ZNF778: variants seen among roughly 807,000 people sequenced by gnomAD.
ZNF778 encodes zinc finger protein 778.
A neutral mutation model predicts 23.9 loss-of-function variants in ZNF778; 37 were observed. The observed-to-expected ratio is 1.54, with a 90% CI of 1.19 to 2.03. The LOEUF is 2.03. ZNF778 is among the 30% of genes most tolerant of loss of function. ZNF778 has a pLI of 0.00. For missense variants in ZNF778, 1,297 were observed against 934.4 expected (o/e 1.39, Z -5.06); for synonymous variants, 483 against 343.9 (o/e 1.40, Z -4.48).
rs376634438 is a variant in ZNF778, at chr16:89,227,815, G to C, written c.1527G>C (p.Gln509His). ...GAGAGAAACCCTACGAATGTAAGCA[G>C]TGTGGCAAAGCCTTCACAGGGCGCT... is the stretch of plus-strand genomic sequence containing the variant. The part of the protein sequence containing the change: ...HTGEKPYECK[Q>H]CGKAFTGRSG... The change falls in exon 7 of 7, where the codon CAG (glutamine) becomes CAC (histidine). Residue 509 changes from glutamine to histidine, a missense_variant. Transcript: ENST00000433976. 5.6e-6 allele frequency: 9 copies of C among 1,613,870 alleles called. No individual in the cohort carries two copies. Among genetic ancestry groups the C allele is most frequent in the Non-Finnish European group, 5.9e-6 (7 of 1,179,988 alleles).
At position 89,222,150 on chromosome 16, in the gene ZNF778, G is replaced by A. The variant is rs779282045; in HGVS notation, c.84G>A (p.Gly28=). ...ATGAAGAACAGACACAGGCAGCAGG[G>A]ATGGTGGCTGGCTGGCTGATAAATT... The part of the protein sequence containing the change: ...CLHEEQTQAA[G]MVAGWLINCY... The change falls in exon 3 of 7, where the codon GGG becomes GGA. Residue 28 remains glycine (G), a synonymous_variant. Transcript: ENST00000433976. 15 of 1,606,100 alleles carry A rather than the reference G, an allele frequency of 9.3e-6. No individual in the cohort carries two copies. The Admixed American group carries it at 2.5e-4, about 27-fold the overall frequency.
At chr16:89,225,490 T>C (rs1010682356) in intron 5 of ZNF778, 65 bp from the exon 6 acceptor site, 3 of 1,296,310 alleles carry the variant, frequency 2.3e-6, no homozygotes, top group Non-Finnish European at 3.3e-6. Flanking sequence ...TTTTCTGCCA[T>C]GTCTTATATG....
chr16:89,218,091 C>T (rs1004168141), intron 1 of ZNF778, among the ~76,000 whole-genome samples, 181 bp downstream of exon 1: 4 of 152,226 alleles, frequency 2.6e-5, no homozygotes, highest in African/African-American at 9.6e-5. Flanking sequence ...TGGGGGCCAG[C>T]GGGAGCGCGC....
chr16:89,220,932 C>T (rs912594531), intron 1 of ZNF778, 65 bp from the exon 2 acceptor site: 10 of 599,090 alleles, frequency 1.7e-5, no homozygotes, highest in African/African-American at 1.5e-4. Context: ...ATATCATCTG[C>T]AGAAACAAGC....
chr16:89,226,580 G>A, intron 6 of ZNF778, 114 bp from the exon 7 acceptor site: 1 of 900,250 alleles, frequency 1.1e-6, no homozygotes, highest in Non-Finnish European at 1.7e-6. Context: ...CTGCTTGCAT[G>A]TTATGAAAAT....
intron 1 of ZNF778, among the ~76,000 whole-genome samples, chr16:89,218,754 G>T (rs990095056): frequency 6.6e-6 from 1 of 152,082 alleles, no homozygotes; most frequent in Admixed American, 6.6e-5. Context: ...TGGCGCCACT[G>T]CACTCCAGCC....
chr16:89,229,328 G>C lies in ZNF778; in HGVS notation c.*766G>C, dbSNP rs2031777456. 1 of 984,770 alleles carries C rather than the reference G, an allele frequency of 1.0e-6. No homozygotes were observed. 61.0% of individuals were successfully genotyped at this position (984,770 alleles called of 1,614,324 possible). On this transcript the variant is annotated 3_prime_UTR_variant, in exon 7 of 7. Transcript: ENST00000433976. Reference sequence around the variant, plus strand: ...CTGTGAGCAGTGTAAGCTCTGGTTGGTTAGTCTTCAGGATCCAGATGTGAT... The same window carrying C: ...CTGTGAGCAGTGTAAGCTCTGGTTGCTTAGTCTTCAGGATCCAGATGTGAT...
intron 6 of ZNF778, among the ~76,000 whole-genome samples, 182 bp from the exon 7 acceptor site, chr16:89,226,512 A>G (rs11642976): frequency 0.82 from 125,340 of 152,234 alleles, 53,382 homozygotes; most frequent in Non-Finnish European, 0.93. Flanking sequence ...TCCTGATGGC[A>G]CAGGATTCTT....
At chr16:89,220,700 C>T (rs1461503311) in intron 1 of ZNF778, among the ~76,000 whole-genome samples, 3 of 152,184 alleles carry the variant, frequency 2.0e-5, no homozygotes, top group African/African-American at 4.8e-5. Context: ...CATGTACCAG[C>T]TAACCGTCCT....
In ZNF778 at chr16:89,231,652, A is replaced by G. The variant is rs2031931977; in HGVS notation, c.*3090A>G. The G allele has an allele frequency of 6.6e-6, 1 of 151,988 alleles. No individual in the cohort carries two copies. The highest frequency in any genetic ancestry group is 1.5e-5 in the Non-Finnish European group (1 of 68,006). 9.4% of individuals were successfully genotyped at this position (151,988 alleles called of 1,614,324 possible). On this transcript the variant is annotated 3_prime_UTR_variant, in exon 7 of 7. Coordinates refer to ENST00000433976, the MANE Select transcript of ZNF778 (RefSeq NM_001201407.2). ...TGATCCTGGTGTAATCTCAACCAAA[A>G]CCCACAGCCCTGCACCCCTTGCCTG...
intron 3 of ZNF778, among the ~76,000 whole-genome samples, chr16:89,222,386 C>T (rs868514681): frequency 5.9e-5 from 9 of 151,628 alleles, no homozygotes; most frequent in Non-Finnish European, 1.0e-4. Context: ...TTTTTTGAGA[C>T]GGAGTCTCGC....
chr16:89,223,478 C>A (rs904598956), intron 4 of ZNF778, among the ~76,000 whole-genome samples, 195 bp downstream of exon 4: 1 of 152,202 alleles, frequency 6.6e-6, no homozygotes. Flanking sequence ...CGTCACTCCT[C>A]TAGAAACATG....
Position 89,228,720 on chromosome 16 carries a change from G to A in ZNF778, c.*158G>A. 7.0e-7 allele frequency: 1 copy of A among 1,433,358 alleles called. No homozygotes were observed. Among genetic ancestry groups the A allele is most frequent in the South Asian group, 1.6e-5 (1 of 63,958 alleles). The allele number at this position is 1,433,358 out of a possible 1,614,324, so 88.8% of individuals were successfully genotyped here. On this transcript the variant is annotated 3_prime_UTR_variant, in exon 7 of 7. Transcript: ENST00000433976. ...GGAACTCACCCTGGAGCCCTATGCA[G>A]CAGACACAGAGAAAGCCCTCAGTGT...
In ZNF778 at chr16:89,232,292, C is replaced by A; in HGVS notation, c.*3730C>A. 4.5e-6 allele frequency: 1 copy of A among 222,742 alleles called. No homozygotes were observed. Among genetic ancestry groups the A allele is most frequent in the South Asian group, 6.4e-5 (1 of 15,636 alleles). The allele number at this position is 222,742 out of a possible 1,614,324, so 13.8% of individuals were successfully genotyped here. A position where few individuals can be genotyped will look rare whatever the true frequency, so the allele number is the denominator to read the frequency against. ...GGCTCACTGCCCTTGACCTTCTCTG[C>A]CCTGTTTGACACAGCAAATAGTCCT... is the stretch of plus-strand genomic sequence containing the variant. On this transcript the variant is annotated 3_prime_UTR_variant, in exon 7 of 7. Coordinates refer to ENST00000433976, the MANE Select transcript of ZNF778 (RefSeq NM_001201407.2).
chr16:89,230,024 C>T lies in ZNF778; in HGVS notation c.*1462C>T, dbSNP rs2031830900. On this transcript the variant is annotated 3_prime_UTR_variant, in exon 7 of 7. Coordinates refer to ENST00000433976, the MANE Select transcript of ZNF778 (RefSeq NM_001201407.2). ...GCAGTGTAGGCTCTGGTTGGTTAGT[C>T]TTAAGTATCCAGATGGGATCCTGTA... The T allele has an allele frequency of 2.0e-6, 2 of 980,736 alleles. No individual in the cohort carries two copies. Among genetic ancestry groups the T allele is most frequent in the African/African-American group, 1.8e-5 (1 of 57,044 alleles). The allele number at this position is 980,736 out of a possible 1,614,324, so 60.8% of individuals were successfully genotyped here. A position where few individuals can be genotyped will look rare whatever the true frequency, so the allele number is the denominator to read the frequency against.
In ZNF778 at chr16:89,231,345, G is replaced by T. The variant is rs1002404531; in HGVS notation, c.*2783G>T. On this transcript the variant is annotated 3_prime_UTR_variant, in exon 7 of 7. Transcript: ENST00000433976. ...GTGGGTCACAGGTGACGCCAGGACT[G>T]CATCATCCTGGTGCTCGGACTCCTA... 20 of 152,204 alleles carry T rather than the reference G, an allele frequency of 1.3e-4. No individual in the cohort carries two copies. Among genetic ancestry groups the T allele is most frequent in the African/African-American group, 4.8e-4 (20 of 41,440 alleles). 9.4% of individuals were successfully genotyped at this position (152,204 alleles called of 1,614,324 possible).
chr16:89,219,090 G>T (rs1454727239), intron 1 of ZNF778, among the ~76,000 whole-genome samples: 2 of 152,198 alleles, frequency 1.3e-5, no homozygotes, highest in Admixed American at 6.5e-5. Flanking sequence ...CTGGGCGACA[G>T]AGCAAGACTC....
At position 89,227,579 on chromosome 16, in the gene ZNF778, A is replaced by G. The variant is rs368686334; in HGVS notation, c.1291A>G (p.Thr431Ala). The G allele has an allele frequency of 2.9e-5, 47 of 1,614,084 alleles. No individual in the cohort carries two copies. The highest frequency in any genetic ancestry group is 4.0e-5 in the Non-Finnish European group (47 of 1,180,032). ...ATGCAGCTACTGTGGGAAGGCCTTC[A>G]CTGTGCGCTGTGGCCTTACTAGACA... ...YTCSYCGKAF[T>A]VRCGLTRHVR... is the part of the protein sequence containing the mutation. The change falls in exon 7 of 7, where the codon ACT becomes GCT. Residue 431 changes from threonine to alanine, a missense_variant. Transcript: ENST00000433976.
In ZNF778 at chr16:89,230,186, C is replaced by T. The variant is rs1286779306; in HGVS notation, c.*1624C>T. 1 of 446,650 alleles carries T rather than the reference C, an allele frequency of 2.2e-6. No individual in the cohort carries two copies. The highest frequency in any genetic ancestry group is 3.0e-6 in the Non-Finnish European group (1 of 338,226). 27.7% of individuals were successfully genotyped at this position (446,650 alleles called of 1,614,324 possible). On this transcript the variant is annotated 3_prime_UTR_variant, in exon 7 of 7. Transcript: ENST00000433976. ...CCCTTGTTCCTCTCCCATACCTGAT[C>T]CCTTCAGATAAAACACCAGGGTGCA...
Sources: allele counts gnomAD v4.1 joint callset (sites outside exome capture counted in the v4.1 genomes callset), GRCh38; gene constraint gnomAD v4.1.1; transcripts MANE v1.5; gene names NCBI Gene and HGNC (gene_info 2026-07-23, HGNC 2026-07-21).